Variants in ATRNL1 observed in about 807,000 individuals in gnomAD.
ATRNL1 encodes attractin like 1, also known as attractin-like protein 1.
In ATRNL1, 95 loss-of-function variants were observed where a neutral mutation model predicts 182.7. That is an observed-to-expected ratio of 0.52 (90% CI 0.44 to 0.62). The LOEUF (loss-of-function observed/expected upper bound fraction) is 0.62, where lower values mean the gene tolerates loss of function less well. ATRNL1 is among the 20% of genes least tolerant of loss of function. The pLI, the probability that ATRNL1 is intolerant of heterozygous loss-of-function variation, is 0.00. For missense variants in ATRNL1, 1,471 were observed against 1,679.5 expected, an observed-to-expected ratio of 0.88 and a Z score of 2.17; for synonymous variants, 576 against 568.3, an observed-to-expected ratio of 1.01 and a Z score of -0.19.
intron 27 of ATRNL1, among the ~76,000 whole-genome samples, chr10:115,798,302 T>C (rs562286856): frequency 1.1e-4 from 16 of 152,230 alleles, no homozygotes; most frequent in African/African-American, 3.9e-4. Context: ...CACCTTCTCT[T>C]TTCCAAATTT....
chr10:115,726,994 A>G (rs1947617958), intron 26 of ATRNL1, among the ~76,000 whole-genome samples: 1 of 151,986 alleles, frequency 6.6e-6, no homozygotes, highest in Admixed American at 6.6e-5. Flanking sequence ...TTTTGAGTAC[A>G]TTGTATTAGG....
chr10:115,496,107 G>GTGT (rs1849538133), intron 24 of ATRNL1, among the ~76,000 whole-genome samples: 2 of 152,098 alleles, frequency 1.3e-5, no homozygotes, highest in Admixed American at 1.3e-4. Flanking sequence ...TACTGGCTTA[G>GTGT]TGTTTGTTTT....
chr10:115,549,600 C>A, intron 26 of ATRNL1, 64 bp downstream of exon 26: 1 of 1,087,924 alleles, frequency 9.2e-7, no homozygotes, highest in South Asian at 1.7e-5. Context: ...TCTCTATTGT[C>A]TGTTAATTAC....
At chr10:115,800,501 G>GC (rs1323049545) in intron 27 of ATRNL1, among the ~76,000 whole-genome samples, 2 of 152,110 alleles carry the variant, frequency 1.3e-5, no homozygotes, top group Admixed American at 1.3e-4. Flanking sequence ...GTTACCATCT[G>GC]TTTTTTTCAA....
intron 28 of ATRNL1, among the ~76,000 whole-genome samples, chr10:115,884,540 A>G (rs557295801): frequency 1.3e-5 from 2 of 152,334 alleles, no homozygotes; most frequent in Admixed American, 6.5e-5. Context: ...TGTTACAGAG[A>G]TAATATTATG....
At position 115,393,176 on chromosome 10, in the gene ATRNL1, C is replaced by A. The variant is rs944043263; in HGVS notation, c.3176-1483C>A. Among the ~76,000 whole-genome samples the A allele has an allele frequency of 4.9e-4, 75 of 152,116 alleles. 1 individual carries two copies. Among genetic ancestry groups the A allele is most frequent in the African/African-American group, 1.8e-3 (74 of 41,430 alleles). On this transcript the variant is annotated intron_variant, in intron 19 of 28. Coordinates refer to ENST00000355044, the MANE Select transcript of ATRNL1 (RefSeq NM_207303.4). ...ATCCCCATCCAATCTTTCCCCCTTT[C>A]ACTCTTTTTGCCCCTTTTATTGACT...
chr10:115,572,130 A>G (rs900128276), intron 26 of ATRNL1, among the ~76,000 whole-genome samples: 1 of 152,186 alleles, frequency 6.6e-6, no homozygotes, highest in African/African-American at 2.4e-5. Context: ...GTGTAATGAC[A>G]GTTATATTAC....
chr10:115,174,182 A>G (rs1268356981), intron 8 of ATRNL1, among the ~76,000 whole-genome samples: 1 of 151,456 alleles, frequency 6.6e-6, no homozygotes, highest in Non-Finnish European at 1.5e-5. Flanking sequence ...GTTCATACCT[A>G]ATCTAGACTT....
At chr10:115,326,828 T>C (rs1360364028) in intron 18 of ATRNL1, among the ~76,000 whole-genome samples, 1 of 152,084 alleles carries the variant, frequency 6.6e-6, no homozygotes, top group Non-Finnish European at 1.5e-5. Context: ...AAACAAGCAA[T>C]GGGGAAAGGA....
At chr10:115,910,792 A>G (rs1555115724) in intron 28 of ATRNL1, among the ~76,000 whole-genome samples, 1 of 152,196 alleles carries the variant, frequency 6.6e-6, no homozygotes, top group Non-Finnish European at 1.5e-5. Context: ...CAAAGAAATG[A>G]GAGTAACCCT....
chr10:115,731,568 A>C (rs1258718976), intron 27 of ATRNL1, among the ~76,000 whole-genome samples: 1 of 151,458 alleles, frequency 6.6e-6, no homozygotes, highest in Non-Finnish European at 1.5e-5. Flanking sequence ...ATCAAGATCT[A>C]GTTATTAATG....
At chr10:115,741,281 G>A (rs192997947) in intron 27 of ATRNL1, among the ~76,000 whole-genome samples, 12 of 152,284 alleles carry the variant, frequency 7.9e-5, no homozygotes, top group Non-Finnish European at 1.5e-4. Context: ...AGGAAAGGTT[G>A]TGGTCATTTA....
chr10:115,534,686 A>T (rs1851847081), intron 25 of ATRNL1, among the ~76,000 whole-genome samples: 1 of 150,214 alleles, frequency 6.7e-6, no homozygotes, highest in African/African-American at 2.4e-5. Context: ...TAGTTGATGC[A>T]GTTTCTTCCT....
chr10:115,175,765 T>G (rs1400496818), intron 8 of ATRNL1, among the ~76,000 whole-genome samples: 1 of 152,158 alleles, frequency 6.6e-6, no homozygotes, highest in Admixed American at 6.6e-5. Context: ...TTGAATTTGC[T>G]GCTTACATGT....
At chr10:115,574,359 T>TATATATAC (rs1854584630) in intron 26 of ATRNL1, among the ~76,000 whole-genome samples, 1 of 151,516 alleles carries the variant, frequency 6.6e-6, no homozygotes, top group African/African-American at 2.4e-5. Context: ...TAAATGTATA[T>TATATATAC]ATATATACAC....
At chr10:115,223,071 G>A (rs1849531941) in intron 9 of ATRNL1, among the ~76,000 whole-genome samples, 1 of 152,172 alleles carries the variant, frequency 6.6e-6, no homozygotes, top group Non-Finnish European at 1.5e-5. Context: ...CTTGAAGCCA[G>A]GGGTTCAATA....
intron 10 of ATRNL1, among the ~76,000 whole-genome samples, chr10:115,245,073 A>G (rs2133827421): frequency 6.6e-6 from 1 of 152,326 alleles, no homozygotes; most frequent in African/African-American, 2.4e-5. Flanking sequence ...TGATTATTTA[A>G]AAACTAAATC....
intron 8 of ATRNL1, among the ~76,000 whole-genome samples, chr10:115,206,769 G>A (rs1848814662): frequency 6.6e-6 from 1 of 152,094 alleles, no homozygotes; most frequent in African/African-American, 2.4e-5. Flanking sequence ...CATGCGCCAT[G>A]TTGGTTTGCT....
intron 28 of ATRNL1, among the ~76,000 whole-genome samples, chr10:115,913,630 T>C (rs1326622499): frequency 6.6e-6 from 1 of 152,242 alleles, no homozygotes; most frequent in African/African-American, 2.4e-5. Flanking sequence ...AACTCATAGA[T>C]GGCTTTCAGC....
Sources: gnomAD v4.1 joint callset for allele counts (sites outside exome capture counted in the v4.1 genomes callset) on GRCh38, gnomAD v4.1.1 for gene constraint, MANE v1.5 for transcripts, NCBI Gene and HGNC (gene_info 2026-07-23, HGNC 2026-07-21) for gene names.